The following FBXL2 variants were observed in gnomAD, a reference collection of about 807,000 sequenced individuals.
FBXL2 encodes F-box and leucine rich repeat protein 2.
In FBXL2, 38 loss-of-function variants were observed where a neutral mutation model predicts 69.2. That is an observed-to-expected ratio of 0.55 (90% CI 0.42 to 0.72). FBXL2 has a LOEUF of 0.72. Among genes scored for constraint, FBXL2 ranks in the 30% least tolerant of loss-of-function variants. The probability of loss-of-function intolerance (pLI) is 0.00; values close to 1 mark genes in which losing one functional copy is unlikely to be tolerated. For synonymous variants in FBXL2, 192 were observed against 201.3 expected (o/e 0.95, Z 0.39); for missense variants, 354 against 520.3 (o/e 0.68, Z 3.11).
In FBXL2 at chr3:33,402,880, T is replaced by G. The variant is rs371155721; in HGVS notation, n.1215-354T>G. The G allele has an allele frequency of 1.9e-6, 3 of 1,610,454 alleles. No individual in the cohort carries two copies. In the African/African-American group the frequency reaches 4.0e-5, roughly 22 times the overall value. On this transcript the variant is annotated intron_variant and non_coding_transcript_variant, in intron 12 of 12. Coordinates refer to the FBXL2 transcript ENST00000463736. ...GAAGGGCTGTTATTCACATAGGCTG[T>G]GGGGGCATCGGGCCACGGAGAACAC...
intron 2 of FBXL2, among the ~76,000 whole-genome samples, chr3:33,358,649 G>C (rs1023242416): frequency 6.6e-6 from 1 of 152,162 alleles, no homozygotes; most frequent in African/African-American, 2.4e-5. Flanking sequence ...CACCAAAAGA[G>C]GGCTTATGCT....
intron 12 of FBXL2, among the ~76,000 whole-genome samples, chr3:33,394,289 G>T (rs2043881454): frequency 6.6e-6 from 1 of 151,628 alleles, no homozygotes; most frequent in Non-Finnish European, 1.5e-5. Flanking sequence ...CACGCAGTCT[G>T]CCCAGTTAGG....
At chr3:33,336,054 TA>T (rs1192180039) in intron 2 of FBXL2, among the ~76,000 whole-genome samples, 19 of 152,334 alleles carry the variant, frequency 1.2e-4, no homozygotes, top group Admixed American at 1.2e-3. Flanking sequence ...ATTTTAATCA[TA>T]ACCCTAGCAG....
At chr3:33,317,690 CTT>C (rs1218991736) in intron 2 of FBXL2, 2 of 333,804 alleles carry the variant, frequency 6.0e-6, no homozygotes, top group Non-Finnish European at 1.2e-5. Context: ...GTCTTGGTGA[CTT>C]TTAACTCCAG....
At chr3:33,402,704 C>T in intron 12 of FBXL2, 2 of 851,894 alleles carry the variant, frequency 2.3e-6, no homozygotes, top group Non-Finnish European at 3.4e-6. Flanking sequence ...CCTTTAGGTA[C>T]AATACAAACA....
At chr3:33,315,488 C>T (rs1213025539) in intron 2 of FBXL2, among the ~76,000 whole-genome samples, 1 of 150,618 alleles carries the variant, frequency 6.6e-6, no homozygotes, top group Non-Finnish European at 1.5e-5. Context: ...GTTGGAAAAG[C>T]AAGTAACATC....
intron 12 of FBXL2, among the ~76,000 whole-genome samples, chr3:33,399,299 T>C (rs1387048796): frequency 6.6e-6 from 1 of 152,194 alleles, no homozygotes. Context: ...CACCTGTCAT[T>C]ATCTATTACT....
At chr3:33,334,420 G>T (rs906065070) in intron 2 of FBXL2, among the ~76,000 whole-genome samples, 5 of 152,090 alleles carry the variant, frequency 3.3e-5, no homozygotes, top group Admixed American at 2.0e-4. Flanking sequence ...CATTGAATAG[G>T]CATTTCAGCA....
intron 2 of FBXL2, among the ~76,000 whole-genome samples, chr3:33,305,003 G>T (rs1575133916): frequency 1.3e-5 from 2 of 151,958 alleles, no homozygotes; most frequent in Admixed American, 1.3e-4. Flanking sequence ...TTGATCTGTA[G>T]TTCTTTATAT....
chr3:33,422,161 TATTCAG>T, the FBXL2 span, among the ~76,000 whole-genome samples: 7 of 152,358 alleles, frequency 4.6e-5, no homozygotes, highest in East Asian at 1.3e-3. Flanking sequence ...AAGCTTCTAT[TATTCAG>T]TAGACAAAGA....
intron 1 of FBXL2, among the ~76,000 whole-genome samples, chr3:33,294,207 C>T (rs992511757): frequency 6.6e-6 from 1 of 152,128 alleles, no homozygotes; most frequent in African/African-American, 2.4e-5. Context: ...AGCTATCCTC[C>T]TGCCTTAGCC....
chr3:33,292,492 A>G (rs1180576370), intron 1 of FBXL2, among the ~76,000 whole-genome samples: 1 of 152,198 alleles, frequency 6.6e-6, no homozygotes, highest in East Asian at 1.9e-4. Flanking sequence ...TCATAGTTGA[A>G]TATAACACCT....
At chr3:33,360,918 C>CT (rs58912118) in intron 4 of FBXL2, among the ~76,000 whole-genome samples, 9,761 of 57,086 alleles carry the variant, frequency 0.17, 3,896 homozygotes, top group East Asian at 0.38. Context: ...ACATGAAGAA[C>CT]TTTTTTTTTT....
At chr3:33,359,126 A>G (rs1428619842) in intron 3 of FBXL2, 105 bp downstream of exon 3, 2 of 891,652 alleles carry the variant, frequency 2.2e-6, no homozygotes, top group African/African-American at 1.7e-5. Flanking sequence ...TTTATACTTA[A>G]TATAACATAA....
At chr3:33,394,438 T>A (rs1559665226) in intron 12 of FBXL2, among the ~76,000 whole-genome samples, 1 of 152,212 alleles carries the variant, frequency 6.6e-6, no homozygotes, top group East Asian at 1.9e-4. Flanking sequence ...CCACAAAAAA[T>A]TTTAAATAAA....
At chr3:33,392,434 T>G (rs2043805357), downstream of FBXL2, 31 of 775,248 alleles carry the variant, frequency 4.0e-5, no homozygotes, top group Middle Eastern at 9.5e-4. Context: ...AATATTCTCA[T>G]TTATCAAACT....
At chr3:33,376,513 T>C (rs2042650612) in intron 10 of FBXL2, among the ~76,000 whole-genome samples, 1 of 152,206 alleles carries the variant, frequency 6.6e-6, no homozygotes, top group African/African-American at 2.4e-5. Flanking sequence ...GTCAAAATTA[T>C]TGCTGTAAGG....
chr3:33,312,316 C>T (rs1160135452), intron 2 of FBXL2, among the ~76,000 whole-genome samples: 1 of 152,198 alleles, frequency 6.6e-6, no homozygotes, highest in Admixed American at 6.5e-5. Context: ...GCCTCAGCCT[C>T]CCAAAGTGTT....
intron 2 of FBXL2, among the ~76,000 whole-genome samples, chr3:33,299,792 T>C (rs2036103285): frequency 6.6e-6 from 1 of 152,184 alleles, no homozygotes; most frequent in Non-Finnish European, 1.5e-5. Flanking sequence ...TAAGAGAGAA[T>C]GTTCTTTGGC....
Sources: allele counts gnomAD v4.1 joint callset (sites outside exome capture counted in the v4.1 genomes callset), GRCh38; gene constraint gnomAD v4.1.1; transcripts MANE v1.5; gene names NCBI Gene and HGNC (gene_info 2026-07-23, HGNC 2026-07-21).